The following KDM7A variants were observed in gnomAD, a reference collection of about 807,000 sequenced individuals.
The protein encoded by KDM7A is lysine-specific demethylase 7A.
In KDM7A, 28 loss-of-function variants were observed where a neutral mutation model predicts 114.8. The ratio of observed to expected loss-of-function variants is 0.24; its 90% confidence interval spans 0.18 to 0.33. The LOEUF (loss-of-function observed/expected upper bound fraction) is 0.33, where lower values mean the gene tolerates loss of function less well. KDM7A is among the 10% of genes least tolerant of loss of function. The pLI is 1.00. For synonymous variants in KDM7A, 423 were observed against 397.8 expected, an observed-to-expected ratio of 1.06 and a Z score of -0.75; for missense variants, 942 against 1,142.5, an observed-to-expected ratio of 0.82 and a Z score of 2.53.
At chr7:140,106,384 G>A (rs1818338512) in intron 11 of KDM7A, among the ~76,000 whole-genome samples, 1 of 152,132 alleles carries the variant, frequency 6.6e-6, no homozygotes, top group South Asian at 2.1e-4. Context: ...ATGTTAGGGT[G>A]TCAATTTTAC....
chr7:140,120,564 T>A, intron 7 of KDM7A, 35 bp from the exon 8 acceptor site: 1 of 1,261,806 alleles, frequency 7.9e-7, no homozygotes, highest in Non-Finnish European at 1.2e-6. Context: ...CCAGTCATTT[T>A]TCAATATGTA....
intron 11 of KDM7A, among the ~76,000 whole-genome samples, chr7:140,102,364 T>C (rs1198110313): frequency 6.6e-6 from 1 of 151,508 alleles, no homozygotes; most frequent in Non-Finnish European, 1.5e-5. Context: ...ACTGTGAACA[T>C]ACTTCCTTGA....
At chr7:140,168,433 T>C (rs1794602076) in intron 1 of KDM7A, among the ~76,000 whole-genome samples, 1 of 152,060 alleles carries the variant, frequency 6.6e-6, no homozygotes, top group African/African-American at 2.4e-5. Flanking sequence ...CCGGGCACAG[T>C]GGCACATGCC....
At chr7:140,137,115 T>C (rs899036536) in intron 2 of KDM7A, among the ~76,000 whole-genome samples, 1 of 152,100 alleles carries the variant, frequency 6.6e-6, no homozygotes, top group Non-Finnish European at 1.5e-5. Flanking sequence ...TAAATCCAGA[T>C]AGAACAGATG....
At chr7:140,101,806 C>T in intron 12 of KDM7A, 145 bp downstream of exon 12, 1 of 633,744 alleles carries the variant, frequency 1.6e-6, no homozygotes, top group Non-Finnish European at 2.8e-6. Context: ...CACTCCCTGT[C>T]ACAGGCATAA....
At chr7:140,102,497 CT>C (rs1460479712) in intron 11 of KDM7A, among the ~76,000 whole-genome samples, 1 of 152,140 alleles carries the variant, frequency 6.6e-6, no homozygotes, top group African/African-American at 2.4e-5. Context: ...ATCCTCCTAC[CT>C]TAGCCTCCCA....
At chr7:140,162,232 G>T (rs1366344098) in intron 1 of KDM7A, among the ~76,000 whole-genome samples, 1 of 151,986 alleles carries the variant, frequency 6.6e-6, no homozygotes, top group Non-Finnish European at 1.5e-5. Flanking sequence ...CTACTCGGGA[G>T]GCTAAGGCAG....
In KDM7A at chr7:140,142,674, T is replaced by C. The variant is rs112251139; in HGVS notation, c.195-3484A>G. ...TAAACTGATAGTCTGATACAGCCATTGTGGAAAACAATTCTGCACTAAAAC... is the reference window on the plus strand; with the variant it reads ...TAAACTGATAGTCTGATACAGCCATCGTGGAAAACAATTCTGCACTAAAAC... On this transcript the variant is annotated intron_variant, in intron 1 of 19. Transcript: ENST00000397560. Among the ~76,000 whole-genome samples the C allele has an allele frequency of 4.9e-4, 75 of 152,240 alleles. 1 individual carries two copies. The highest frequency in any genetic ancestry group is 1.8e-3 in the African/African-American group (74 of 41,554).
chr7:140,174,867 A>T (rs979713518), intron 1 of KDM7A, among the ~76,000 whole-genome samples: 14 of 152,186 alleles, frequency 9.2e-5, no homozygotes, highest in African/African-American at 2.7e-4. Context: ...CACCCGCCTC[A>T]GCCTCCCAAA....
At chr7:140,111,571 C>G (rs546149991) in intron 10 of KDM7A, among the ~76,000 whole-genome samples, 26 of 152,278 alleles carry the variant, frequency 1.7e-4, no homozygotes, top group Non-Finnish European at 3.2e-4. Context: ...CTAACGTAAT[C>G]CTAATTTCTC....
At chr7:140,173,907 T>C (rs1385803556) in intron 1 of KDM7A, among the ~76,000 whole-genome samples, 1 of 152,138 alleles carries the variant, frequency 6.6e-6, no homozygotes, top group Admixed American at 6.5e-5. Flanking sequence ...CTCACACCTG[T>C]AATCCCAGCA....
chr7:140,126,161 G>A (rs1818697737), intron 6 of KDM7A, among the ~76,000 whole-genome samples: 1 of 152,082 alleles, frequency 6.6e-6, no homozygotes, highest in Admixed American at 6.6e-5. Context: ...TCCCAGCTTG[G>A]CCTCCTCTCA....
chr7:140,147,934 C>T (rs753793853), intron 1 of KDM7A, among the ~76,000 whole-genome samples: 1 of 152,136 alleles, frequency 6.6e-6, no homozygotes, highest in African/African-American at 2.4e-5. Context: ...AGCAGGCGTT[C>T]CCCTGAGATT....
In KDM7A at chr7:140,090,901, C is replaced by T. The variant is rs1478158257; in HGVS notation, c.*193G>A. The T allele has an allele frequency of 1.8e-6, 1 of 561,638 alleles. No individual in the cohort carries two copies. The highest frequency in any genetic ancestry group is 3.2e-6 in the Non-Finnish European group (1 of 312,848). 34.8% of individuals were successfully genotyped at this position (561,638 alleles called of 1,614,324 possible). On this transcript the variant is annotated 3_prime_UTR_variant, in exon 20 of 20. Transcript: ENST00000397560. ...GTTCTACCCTCCTTCTTCCTCTCCC[C>T]CACCAGGTCCAAAATGGTTATTGCT...
In KDM7A at chr7:140,090,960, GGTTCATTCT is replaced by G; in HGVS notation, c.*125_*133del. The G allele has an allele frequency of 1.5e-6, 1 of 661,122 alleles. No individual in the cohort carries two copies. The highest frequency in any genetic ancestry group is 2.7e-6 in the Non-Finnish European group (1 of 366,110). The allele number at this position is 661,122 out of a possible 1,614,324, so 41.0% of individuals were successfully genotyped here. A position where few individuals can be genotyped will look rare whatever the true frequency, so the allele number is the denominator to read the frequency against. On this transcript the variant is annotated 3_prime_UTR_variant, in exon 20 of 20. Transcript: ENST00000397560. ...GTGGCACAGTGAAAATGCAGCATCA[GGTTCATTCT>G]GTTCTTCGGGCAGTGTTCTTACTAT...
chr7:140,109,507 A>G (rs975650640), intron 11 of KDM7A, among the ~76,000 whole-genome samples: 1 of 152,154 alleles, frequency 6.6e-6, no homozygotes, highest in Admixed American at 6.5e-5. Flanking sequence ...TGCTTGGTCT[A>G]TCTTTTGGCT....
intron 1 of KDM7A, among the ~76,000 whole-genome samples, chr7:140,153,911 T>C (rs1794429480): frequency 6.6e-6 from 1 of 152,198 alleles, no homozygotes; most frequent in South Asian, 2.1e-4. Flanking sequence ...TGCTAATAGG[T>C]CATGTAAGTT....
Position 140,176,543 on chromosome 7 carries a change from C to A in KDM7A, c.194+201G>T, listed in dbSNP as rs1414145050. On this transcript the variant is annotated intron_variant, in intron 1 of 19. Coordinates refer to ENST00000397560, the MANE Select transcript of KDM7A (RefSeq NM_030647.2). This position sits in a 1 kb window ranked among gnomAD's most constrained non-coding sequence, Gnocchi z 4.4. ...TCTTCGCCCGGGCCAGGCGAGCCCA[C>A]CGGCTCCCCTCTGGAGCCCGCCCGG... 2.0e-5 allele frequency among the ~76,000 whole-genome samples: 3 copies of A among 146,864 alleles called. No homozygotes were observed. Among genetic ancestry groups the A allele is most frequent in the African/African-American group, 7.3e-5 (3 of 40,936 alleles).
At chr7:140,173,031 C>G (rs1794664044) in intron 1 of KDM7A, among the ~76,000 whole-genome samples, 1 of 151,972 alleles carries the variant, frequency 6.6e-6, no homozygotes, top group Admixed American at 6.5e-5. Flanking sequence ...AGGAAGAAAA[C>G]AGAAACTCTA....
Sources: allele counts gnomAD v4.1 joint callset (sites outside exome capture counted in the v4.1 genomes callset), GRCh38; gene constraint gnomAD v4.1.1; non-coding constraint Gnocchi (gnomAD v3.1); transcripts MANE v1.5; gene names NCBI Gene and HGNC (gene_info 2026-07-23, HGNC 2026-07-21).